The following MAP3K4 variants were observed in gnomAD, a reference collection of about 807,000 sequenced individuals.
MAP3K4 encodes MAP three kinase 1.
Under a neutral mutation model 185.6 loss-of-function variants are expected in MAP3K4, and 67 were observed. The observed-to-expected ratio is 0.36, with a 90% CI of 0.30 to 0.44. The LOEUF (loss-of-function observed/expected upper bound fraction) is 0.44. Among genes scored for constraint, MAP3K4 ranks in the 20% least tolerant of loss-of-function variants. The pLI, the probability that MAP3K4 is intolerant of heterozygous loss-of-function variation, is 1.00. For missense variants in MAP3K4, 1,551 were observed against 1,995.1 expected, an observed-to-expected ratio of 0.78 and a Z score of 4.24; for synonymous variants, 702 against 710.4, an observed-to-expected ratio of 0.99 and a Z score of 0.19.
At chr6:161,011,504 A>G (rs1781841000) in intron 1 of MAP3K4, among the ~76,000 whole-genome samples, 1 of 152,320 alleles carries the variant, frequency 6.6e-6, no homozygotes, top group Non-Finnish European at 1.5e-5. Context: ...GAACAAAAAT[A>G]AATAATTTAG....
In MAP3K4 at chr6:160,996,203, T is replaced by C. The variant is rs910621651; in HGVS notation, c.152+4120T>C. On this transcript the variant is annotated intron_variant, in intron 1 of 26. Transcript: ENST00000392142. This position sits in a 1 kb window ranked among gnomAD's most constrained non-coding sequence, Gnocchi z 4.5. ...GTAGCATCAGTGATGGTCATGCCTT[T>C]ACACCACTGTAACAGTAGATGCCAT... Among the ~76,000 whole-genome samples the C allele has an allele frequency of 3.3e-5, 5 of 152,208 alleles. No individual in the cohort carries two copies. Among genetic ancestry groups the C allele is most frequent in the Non-Finnish European group, 1.5e-5 (1 of 68,028 alleles).
intron 5 of MAP3K4, among the ~76,000 whole-genome samples, chr6:161,078,865 G>T (rs899620742): frequency 6.6e-6 from 1 of 152,184 alleles, no homozygotes; most frequent in East Asian, 1.9e-4. Flanking sequence ...TCTTAAAGGG[G>T]TAGGGTCTTT....
Position 161,048,682 on chromosome 6 carries a change from A to G in MAP3K4, c.410A>G (p.Glu137Gly). The G allele has an allele frequency of 6.2e-7, 1 of 1,613,994 alleles. No individual in the cohort carries two copies. The highest frequency in any genetic ancestry group is 1.1e-5 in the South Asian group (1 of 91,074). Reference protein sequence around the residue: ...DTGKTVENVEEYSYKQEKKIR... With the variant: ...DTGKTVENVEGYSYKQEKKIR... ...GGAAAAACAGTGGAGAATGTGGAAG[A>G]ATACAGCTATAAGCAGGAGAAAAAG... is the stretch of plus-strand genomic sequence containing the variant. Residue 137 changes from glutamate (E) to glycine (G), a missense_variant, in exon 3 of 27, where the codon GAA (glutamate) becomes GGA (glycine). This residue lies in a region of MAP3K4 where 287 missense variants were observed against 268.8 expected (regional missense o/e 1.07). Transcript: ENST00000392142. This position sits in a 1 kb window ranked among gnomAD's most constrained non-coding sequence, Gnocchi z 4.7.
chr6:161,031,872 C>T (rs1027194694), intron 1 of MAP3K4, among the ~76,000 whole-genome samples: 1 of 152,166 alleles, frequency 6.6e-6, no homozygotes, highest in Admixed American at 6.5e-5. Context: ...GCCTTAGCTT[C>T]TGAGTTCACA....
In MAP3K4 at chr6:161,054,875, T is replaced by A. The variant is rs1784166460; in HGVS notation, c.1707+4896T>A. ...TAAGGACTACCATGATGGGAAAAAA[T>A]AAGAGGAAACCTTACCCTCCCCCAT... On this transcript the variant is annotated intron_variant, in intron 3 of 26. Coordinates refer to ENST00000392142, the MANE Select transcript of MAP3K4 (RefSeq NM_005922.4). This position sits in a 1 kb window ranked among gnomAD's most constrained non-coding sequence, Gnocchi z 4.2. Among the ~76,000 whole-genome samples the A allele has an allele frequency of 6.6e-6, 1 of 152,124 alleles. No individual in the cohort carries two copies. Among genetic ancestry groups the A allele is most frequent in the Non-Finnish European group, 1.5e-5 (1 of 68,008 alleles).
At position 161,054,950 on chromosome 6, in the gene MAP3K4, A is replaced by G. The variant is rs374933826; in HGVS notation, c.1707+4971A>G. 7.9e-5 allele frequency among the ~76,000 whole-genome samples: 12 copies of G among 152,214 alleles called. No homozygotes were observed. The highest frequency in any genetic ancestry group is 5.8e-4 in the East Asian group (3 of 5,180). Reference sequence around the variant, plus strand: ...TCCAAGATCTTTTTTATATTTTCTCATTTATCTTCTTCTTCTCTTATTCCA... The same window carrying G: ...TCCAAGATCTTTTTTATATTTTCTCGTTTATCTTCTTCTTCTCTTATTCCA... On this transcript the variant is annotated intron_variant, in intron 3 of 26. Transcript: ENST00000392142. This position sits in a 1 kb window ranked among gnomAD's most constrained non-coding sequence, Gnocchi z 4.2.
Position 161,107,202 on chromosome 6 carries a change from T to C in MAP3K4, c.4048+497T>C, listed in dbSNP as rs923536165. ...CTTCATGTAAAATAGTCGTAAATTA[T>C]GTGAGGGAAGAAGTCTTGTGTTTCA... is the stretch of plus-strand genomic sequence containing the variant. On this transcript the variant is annotated intron_variant, in intron 20 of 26. Transcript: ENST00000392142. This position sits in a 1 kb window ranked among gnomAD's most constrained non-coding sequence, Gnocchi z 6.2. Among the ~76,000 whole-genome samples, 2 of 152,190 alleles carry C rather than the reference T, an allele frequency of 1.3e-5. No individual in the cohort carries two copies. The highest frequency in any genetic ancestry group is 4.8e-5 in the African/African-American group (2 of 41,440).
At chr6:161,015,956 T>G (rs1353946917) in intron 1 of MAP3K4, among the ~76,000 whole-genome samples, 1 of 152,214 alleles carries the variant, frequency 6.6e-6, no homozygotes, top group Non-Finnish European at 1.5e-5. Context: ...CAGCAGTTGA[T>G]GGACACTGGA....
chr6:161,057,184 C>T (rs1465098488), intron 3 of MAP3K4, among the ~76,000 whole-genome samples: 3 of 152,112 alleles, frequency 2.0e-5, no homozygotes, highest in African/African-American at 7.2e-5. Flanking sequence ...TGTTTGGATT[C>T]TAACAATAGT....
At chr6:161,041,602 G>A (rs1783455386) in intron 2 of MAP3K4, among the ~76,000 whole-genome samples, 1 of 152,220 alleles carries the variant, frequency 6.6e-6, no homozygotes, top group Non-Finnish European at 1.5e-5. Flanking sequence ...TTTAGATCTG[G>A]TGACTTTCAG....
chr6:161,073,663 A>T lies in MAP3K4; in HGVS notation c.2097+51A>T. On this transcript the variant is annotated intron_variant, in intron 5 of 26. Coordinates refer to ENST00000392142, the MANE Select transcript of MAP3K4 (RefSeq NM_005922.4). The surrounding 1 kb of genome is among the most constrained non-coding windows in gnomAD (Gnocchi z 4.2). The stretch of plus-strand genomic sequence containing the variant: ...TCTTTCTTTCTTTGTTTCTTTTTTT[A>T]AAAAAGTAAGCCTGTATTTCCTTGT... 2 of 1,576,296 alleles carry T rather than the reference A, an allele frequency of 1.3e-6. No individual in the cohort carries two copies. The highest frequency in any genetic ancestry group is 2.3e-5 in the South Asian group (2 of 85,710).
At chr6:160,998,766 C>G (rs1212281043) in intron 1 of MAP3K4, among the ~76,000 whole-genome samples, 1 of 152,076 alleles carries the variant, frequency 6.6e-6, no homozygotes, top group Non-Finnish European at 1.5e-5. Flanking sequence ...AATGCTTTCC[C>G]CATTTTAAGC....
rs148156767 is a variant in MAP3K4, at chr6:161,085,024, G to A, written c.2372+407G>A. Among the ~76,000 whole-genome samples the A allele has an allele frequency of 4.3e-4, 65 of 152,148 alleles. No individual in the cohort carries two copies. In the East Asian group the frequency reaches 0.011, roughly 25 times the overall value. ...CAGCTGGGCGTGGTGGCACGCACCC[G>A]TGATCCCAGCTATTCAGGAGGCTGA... On this transcript the variant is annotated intron_variant, in intron 7 of 26. Transcript: ENST00000392142.
chr6:161,034,516 T>C lies in MAP3K4; in HGVS notation c.343+67T>C. The C allele has an allele frequency of 1.5e-6, 2 of 1,295,674 alleles. No individual in the cohort carries two copies. Among genetic ancestry groups the C allele is most frequent in the Admixed American group, 2.4e-5 (1 of 41,332 alleles). 80.3% of individuals were successfully genotyped at this position (1,295,674 alleles called of 1,614,324 possible). On this transcript the variant is annotated intron_variant, in intron 2 of 26. Coordinates refer to ENST00000392142, the MANE Select transcript of MAP3K4 (RefSeq NM_005922.4). This position sits in a 1 kb window ranked among gnomAD's most constrained non-coding sequence, Gnocchi z 4.4. ...GGCACTTGATTGATTCTTTCAACAA[T>C]AAAGTTAGCAATTTCTTTTATTTTT... is the stretch of plus-strand genomic sequence containing the variant.
chr6:161,039,345 C>T (rs1783337523), intron 2 of MAP3K4, among the ~76,000 whole-genome samples: 1 of 139,658 alleles, frequency 7.2e-6, no homozygotes, highest in Non-Finnish European at 1.5e-5. Context: ...AGAAAGGTAA[C>T]TGAGGGGACT....
At chr6:160,992,342 C>A (rs772095058) in intron 1 of MAP3K4, 2 of 509,354 alleles carry the variant, frequency 3.9e-6, no homozygotes, top group South Asian at 2.9e-5. Context: ...CTTGTAGACT[C>A]CCCCAGCTCA....
intron 18 of MAP3K4, 71 bp from the exon 19 acceptor site, chr6:161,102,628 C>A: frequency 9.7e-7 from 1 of 1,033,256 alleles, no homozygotes; most frequent in Non-Finnish European, 1.4e-6. Context: ...CATTACCTTT[C>A]CTTTCAGTTG....
intron 1 of MAP3K4, among the ~76,000 whole-genome samples, chr6:160,995,907 GT>G (rs1292339934): frequency 6.6e-6 from 1 of 152,082 alleles, no homozygotes; most frequent in Non-Finnish European, 1.5e-5. Context: ...TAGCCTCATT[GT>G]TCTCATTGTC....
At chr6:161,102,051 A>G (rs1777861662) in intron 18 of MAP3K4, 59 bp downstream of exon 18, 1 of 1,401,690 alleles carries the variant, frequency 7.1e-7, no homozygotes. Context: ...GTCTCAGTTC[A>G]CCAGTTTCTG....
Sources: gnomAD v4.1 joint callset for allele counts (sites outside exome capture counted in the v4.1 genomes callset) on GRCh38, gnomAD v4.1.1 for gene constraint, gnomAD v4.1.1 regional missense constraint, Gnocchi (gnomAD v3.1) non-coding constraint, MANE v1.5 for transcripts, NCBI Gene and HGNC (gene_info 2026-07-23, HGNC 2026-07-21) for gene names.